Variants in MYT1 observed in about 807,000 individuals in gnomAD.
MYT1 encodes the protein myelin transcription factor I.
A neutral mutation model predicts 123.0 loss-of-function variants in MYT1; 23 were observed. That is an observed-to-expected ratio of 0.19 (90% CI 0.13 to 0.26). The LOEUF (loss-of-function observed/expected upper bound fraction) is 0.26, where lower values mean the gene tolerates loss of function less well. Among genes scored for constraint, MYT1 ranks in the 10% least tolerant of loss-of-function variants. MYT1 has a pLI of 1.00. For missense variants in MYT1, 1,125 were observed against 1,472.5 expected (o/e 0.76, Z 3.86); for synonymous variants, 518 against 575.3 (o/e 0.90, Z 1.43).
At chr20:64,170,878 TATATATAGAGAGAGAGAGAGAGAGAGAG>T (rs1982244128) in intron 1 of MYT1, among the ~76,000 whole-genome samples, 1 of 55,640 alleles carries the variant, frequency 1.8e-5, no homozygotes, top group Non-Finnish European at 3.1e-5. Flanking sequence ...TATATATATA[TATATATAGAGAGAGAGAGAGAGAGAGAG>T]AGAGAGAGAG....
intron 10 of MYT1, among the ~76,000 whole-genome samples, chr20:64,214,042 C>T (rs1279376714): frequency 6.6e-6 from 1 of 152,218 alleles, no homozygotes; most frequent in Non-Finnish European, 1.5e-5. Context: ...AGCCAAGGAC[C>T]ACGGACGTCC....
rs1198851884 is a variant in MYT1 at position 64,185,964 on chromosome 20, G to T, written c.-98-4099G>T. 6.6e-6 allele frequency among the ~76,000 whole-genome samples: 1 copy of T among 152,216 alleles called. No homozygotes were observed. The highest frequency in any genetic ancestry group is 1.5e-5 in the Non-Finnish European group (1 of 68,032). On this transcript the variant is annotated intron_variant, in intron 1 of 22. Coordinates refer to ENST00000328439, the MANE Select transcript of MYT1 (RefSeq NM_004535.3). This position sits in a 1 kb window ranked among gnomAD's most constrained non-coding sequence, Gnocchi z 4.5. ...CCTGGGTCAGGCTGGTCTCCAGTTT[G>T]CAGTGCTGCTGAGTTGGAAAAAGAG... is the stretch of plus-strand genomic sequence containing the variant.
intron 11 of MYT1, 90 bp downstream of exon 11, chr20:64,217,371 A>G: frequency 7.3e-7 from 1 of 1,364,794 alleles, no homozygotes; most frequent in Non-Finnish European, 1.0e-6. Context: ...GACCCTCTCG[A>G]GGAGCTACTA....
At position 64,166,252 on chromosome 20, in the gene MYT1, A is replaced by C. The variant is rs1196508701; in HGVS notation, c.-99+1513A>C. ...AGGACCCTGCCCTGTCTCCCTCGGT[A>C]GCTGTTCCTTGTGCAGAGGAGGCTG... On this transcript the variant is annotated intron_variant, in intron 1 of 22. Coordinates refer to ENST00000328439, the MANE Select transcript of MYT1 (RefSeq NM_004535.3). The surrounding 1 kb of genome is among the most constrained non-coding windows in gnomAD (Gnocchi z 4.9). Among the ~76,000 whole-genome samples the C allele has an allele frequency of 6.6e-6, 1 of 152,162 alleles. No individual in the cohort carries two copies. Among genetic ancestry groups the C allele is most frequent in the Non-Finnish European group, 1.5e-5 (1 of 68,012 alleles).
rs1442642277 is a variant in MYT1 at position 64,196,805 on chromosome 20, T to C, written c.1-2057T>C. ...TCTCTATTCTCTGCTCTTTGAATAATTTATCTGCAGGAAATCCAAATTGCC... is the reference window on the plus strand; with the variant it reads ...TCTCTATTCTCTGCTCTTTGAATAACTTATCTGCAGGAAATCCAAATTGCC... On this transcript the variant is annotated intron_variant, in intron 2 of 22. Transcript: ENST00000328439. This position sits in a 1 kb window ranked among gnomAD's most constrained non-coding sequence, Gnocchi z 4.3. 6.6e-6 allele frequency among the ~76,000 whole-genome samples: 1 copy of C among 152,210 alleles called. No individual in the cohort carries two copies. Among genetic ancestry groups the C allele is most frequent in the Non-Finnish European group, 1.5e-5 (1 of 68,034 alleles).
At chr20:64,211,952 G>T (rs913139760) in intron 8 of MYT1, 96 bp from the exon 9 acceptor site, 38 of 1,019,840 alleles carry the variant, frequency 3.7e-5, no homozygotes, top group Non-Finnish European at 5.6e-5. Context: ...TTTGGACAAG[G>T]CTCCTGCACC....
intron 1 of MYT1, among the ~76,000 whole-genome samples, chr20:64,169,305 G>A (rs185690044): frequency 6.6e-6 from 1 of 152,196 alleles, no homozygotes; most frequent in African/African-American, 2.4e-5. Context: ...GCCTCCCAGT[G>A]AGCCAGAGCC....
chr20:64,240,287 G>A, intron 22 of MYT1, 33 bp from the exon 23 acceptor site: 1 of 1,607,120 alleles, frequency 6.2e-7, no homozygotes, highest in Non-Finnish European at 8.5e-7. Context: ...CCACTGCATG[G>A]ACGGAGCTTG....
At chr20:64,206,917 T>C (rs2145715790) in intron 6 of MYT1, among the ~76,000 whole-genome samples, 1 of 152,310 alleles carries the variant, frequency 6.6e-6, no homozygotes, top group South Asian at 2.1e-4. Flanking sequence ...TTTCGTTTTG[T>C]TTTTGTTTTG....
intron 1 of MYT1, among the ~76,000 whole-genome samples, chr20:64,180,316 C>A (rs868323615): frequency 1.1e-4 from 16 of 152,178 alleles, no homozygotes; most frequent in South Asian, 2.1e-4. Flanking sequence ...ATATTGATAA[C>A]CTCTGATTCC....
At chr20:64,175,271 C>T in intron 1 of MYT1, among the ~76,000 whole-genome samples, 1 of 50,624 alleles carries the variant, frequency 2.0e-5, no homozygotes, top group Admixed American at 2.2e-4. Flanking sequence ...TTTCCCCTCC[C>T]TGGCTTCTCC....
chr20:64,236,280 G>T (rs868192196), intron 19 of MYT1, among the ~76,000 whole-genome samples: 287 of 34,626 alleles, frequency 8.3e-3, no homozygotes, highest in Middle Eastern at 0.025. Flanking sequence ...TGGGTGACCC[G>T]GGGCTGGCCG....
chr20:64,176,382 T>G (rs1982452914), intron 1 of MYT1, among the ~76,000 whole-genome samples: 2 of 150,294 alleles, frequency 1.3e-5, no homozygotes, highest in African/African-American at 5.0e-5. Context: ...CCTCCCTGGC[T>G]TCTCCTGCAG....
chr20:64,239,990 C>G (rs1449371896), intron 22 of MYT1, 87 bp downstream of exon 22: 2 of 1,551,360 alleles, frequency 1.3e-6, no homozygotes, highest in Non-Finnish European at 1.7e-6. Context: ...CCCACCCCCT[C>G]TGCCTCTGGG....
intron 4 of MYT1, among the ~76,000 whole-genome samples, chr20:64,204,058 A>C (rs1983404182): frequency 1.3e-5 from 2 of 152,210 alleles, no homozygotes; most frequent in Non-Finnish European, 2.9e-5. Flanking sequence ...TCTGGGTCTT[A>C]CAATGGCAGC....
chr20:64,188,546 G>A lies in MYT1; in HGVS notation c.-98-1517G>A, dbSNP rs567380478. On this transcript the variant is annotated intron_variant, in intron 1 of 22. Coordinates refer to ENST00000328439, the MANE Select transcript of MYT1 (RefSeq NM_004535.3). ...AAAAGAGACACACAGAGGACCCCAC[G>A]CCCCATCTTCAAAGTGTGAAGCACA... is the stretch of plus-strand genomic sequence containing the variant. Among the ~76,000 whole-genome samples, 42 of 152,176 alleles carry A rather than the reference G, an allele frequency of 2.8e-4. No homozygotes were observed. In the South Asian group the frequency reaches 8.7e-3, roughly 32 times the overall value.
chr20:64,168,067 G>A lies in MYT1; in HGVS notation c.-99+3328G>A, dbSNP rs1281832834. On this transcript the variant is annotated intron_variant, in intron 1 of 22. Coordinates refer to ENST00000328439, the MANE Select transcript of MYT1 (RefSeq NM_004535.3). The surrounding 1 kb of genome is among the most constrained non-coding windows in gnomAD (Gnocchi z 6.1). Reference sequence around the variant, plus strand: ...GGAGTGTCTGCTGGAGGCCTGGGGGGTGGAATGTGCTTTCACGGCCTCTTG... The same window carrying A: ...GGAGTGTCTGCTGGAGGCCTGGGGGATGGAATGTGCTTTCACGGCCTCTTG... Among the ~76,000 whole-genome samples the A allele has an allele frequency of 6.6e-6, 1 of 152,236 alleles. No individual in the cohort carries two copies. Among genetic ancestry groups the A allele is most frequent in the Non-Finnish European group, 1.5e-5 (1 of 68,038 alleles).
chr20:64,240,182 A>G, intron 22 of MYT1, 138 bp from the exon 23 acceptor site: 1 of 1,255,992 alleles, frequency 8.0e-7, no homozygotes, highest in Non-Finnish European at 1.1e-6. Flanking sequence ...TGCAGAGAGG[A>G]ACGCCCAGTG....
chr20:64,235,621 G>T (rs1984496650), intron 19 of MYT1, among the ~76,000 whole-genome samples: 1 of 145,848 alleles, frequency 6.9e-6, no homozygotes, highest in African/African-American at 2.6e-5. Flanking sequence ...GCTGGCTGTG[G>T]TGGGTGACCC....
Sources: allele counts gnomAD v4.1 joint callset (sites outside exome capture counted in the v4.1 genomes callset), GRCh38; gene constraint gnomAD v4.1.1; non-coding constraint Gnocchi (gnomAD v3.1); transcripts MANE v1.5; gene names NCBI Gene and HGNC (gene_info 2026-07-23, HGNC 2026-07-21).